Variants in VWA2 observed in about 807,000 individuals in gnomAD.
VWA2 encodes the protein von Willebrand factor A domain-containing protein 2.
VWA2 carries 73 observed loss-of-function variants against 70.4 expected under a neutral mutation model. That is an observed-to-expected ratio of 1.04 (90% CI 0.86 to 1.26). VWA2 has a LOEUF of 1.26. Ranked by LOEUF, VWA2 falls within the 50% of genes most tolerant of loss-of-function variation. The pLI, the probability that VWA2 is intolerant of heterozygous loss-of-function variation, is 0.00. For missense variants in VWA2, 1,011 were observed against 998.5 expected, an observed-to-expected ratio of 1.01 and a Z score of -0.17; for synonymous variants, 407 against 423.3, an observed-to-expected ratio of 0.96 and a Z score of 0.47.
Position 114,293,800 on chromosome 10 carries a change from T to C in VWA2, c.*2563T>C, listed in dbSNP as rs1367514500. ...CTAGAGAAATATTTCCAAATGATGC[T>C]AGTTTTGTCTCTTCCTTTCAAAGTT... On this transcript the variant is annotated 3_prime_UTR_variant, in exon 14 of 14. Coordinates refer to ENST00000392982, the MANE Select transcript of VWA2 (RefSeq NM_001272046.2). Among the ~76,000 whole-genome samples, 2 of 152,212 alleles carry C rather than the reference T, an allele frequency of 1.3e-5. No homozygotes were observed. Among genetic ancestry groups the C allele is most frequent in the African/African-American group, 2.4e-5 (1 of 41,470 alleles).
intron 5 of VWA2, among the ~76,000 whole-genome samples, chr10:114,270,318 T>A (rs2037680122): frequency 6.6e-6 from 1 of 152,222 alleles, no homozygotes; most frequent in Non-Finnish European, 1.5e-5. Flanking sequence ...ATAACCTTAG[T>A]TTGGCCCCTT....
chr10:114,248,880 C>T, intron 2 of VWA2, 115 bp downstream of exon 2: 2 of 960,700 alleles, frequency 2.1e-6, no homozygotes, highest in South Asian at 2.6e-5. Flanking sequence ...CCTGCATCTC[C>T]CCTCCATGGC....
At chr10:114,290,938 C>T (rs947235305) in intron 13 of VWA2, among the ~76,000 whole-genome samples, 2 of 152,164 alleles carry the variant, frequency 1.3e-5, no homozygotes, top group African/African-American at 4.8e-5. Flanking sequence ...AGAGGTCCAA[C>T]TATGGCTCCT....
At chr10:114,267,598 ATTT>A (rs1227410084) in intron 5 of VWA2, among the ~76,000 whole-genome samples, 1 of 136,720 alleles carries the variant, frequency 7.3e-6, no homozygotes, top group South Asian at 2.4e-4. Flanking sequence ...CACCTGGCTA[ATTT>A]TTTTTTTTTT....
At chr10:114,277,717 G>A (rs952480529) in intron 6 of VWA2, among the ~76,000 whole-genome samples, 197 bp from the exon 7 acceptor site, 1 of 152,154 alleles carries the variant, frequency 6.6e-6, no homozygotes, top group Non-Finnish European at 1.5e-5. Context: ...ATGCTTGCTT[G>A]TTCTTTGCTT....
chr10:114,260,067 C>G (rs1306130791), intron 4 of VWA2, among the ~76,000 whole-genome samples: 1 of 152,224 alleles, frequency 6.6e-6, no homozygotes, highest in African/African-American at 2.4e-5. Context: ...TTAAATATGA[C>G]TCACTTGGCC....
In VWA2 at chr10:114,292,699, C is replaced by T. The variant is rs1589864605; in HGVS notation, c.*1462C>T. Among the ~76,000 whole-genome samples the T allele has an allele frequency of 6.6e-6, 1 of 151,452 alleles. No homozygotes were observed. Among genetic ancestry groups the T allele is most frequent in the African/African-American group, 2.4e-5 (1 of 41,212 alleles). ...TCTAGAGCTCTGATGTGACTCCAGACACTTTATCGTTTTTCTTTTTTTTGA... is the reference window on the plus strand; with the variant it reads ...TCTAGAGCTCTGATGTGACTCCAGATACTTTATCGTTTTTCTTTTTTTTGA... On this transcript the variant is annotated 3_prime_UTR_variant, in exon 14 of 14. Coordinates refer to ENST00000392982, the MANE Select transcript of VWA2 (RefSeq NM_001272046.2).
In VWA2 at chr10:114,292,038, A is replaced by G. The variant is rs2039650586; in HGVS notation, c.*801A>G. Among the ~76,000 whole-genome samples, 1 of 152,138 alleles carries G rather than the reference A, an allele frequency of 6.6e-6. No homozygotes were observed. Among genetic ancestry groups the G allele is most frequent in the South Asian group, 2.1e-4 (1 of 4,820 alleles). On this transcript the variant is annotated 3_prime_UTR_variant, in exon 14 of 14. Transcript: ENST00000392982. ...CATGCCTGTAATCCCAGCACTTTGG[A>G]GGCTGAGGCAGGTGGATCACCCGAG...
At chr10:114,260,057 T>A (rs1273474970) in intron 4 of VWA2, among the ~76,000 whole-genome samples, 1 of 152,212 alleles carries the variant, frequency 6.6e-6, no homozygotes, top group Non-Finnish European at 1.5e-5. Context: ...GCATCATTGC[T>A]TAAATATGAC....
intron 5 of VWA2, among the ~76,000 whole-genome samples, chr10:114,263,545 G>A (rs1312316084): frequency 6.6e-6 from 1 of 151,066 alleles, no homozygotes; most frequent in African/African-American, 2.4e-5. Flanking sequence ...CACTGTGTTA[G>A]CCAGGATGGT....
chr10:114,262,379 C>T (rs2037463327), intron 5 of VWA2, among the ~76,000 whole-genome samples: 1 of 151,478 alleles, frequency 6.6e-6, no homozygotes, highest in Admixed American at 6.6e-5. Context: ...CACATATTGA[C>T]ACATACATGT....
intron 4 of VWA2, among the ~76,000 whole-genome samples, chr10:114,260,758 G>T (rs1054908151): frequency 9.9e-5 from 15 of 152,166 alleles, no homozygotes; most frequent in African/African-American, 3.6e-4. Flanking sequence ...CCATATTGGG[G>T]TTTCTCCAAC....
intron 5 of VWA2, among the ~76,000 whole-genome samples, chr10:114,270,701 C>T (rs2037688219): frequency 6.6e-6 from 1 of 152,192 alleles, no homozygotes; most frequent in African/African-American, 2.4e-5. Flanking sequence ...TAGTAGAGAT[C>T]AGAATCGGGT....
intron 1 of VWA2, chr10:114,246,133 T>C: frequency 5.4e-6 from 5 of 932,742 alleles, no homozygotes; most frequent in Non-Finnish European, 1.6e-6. Context: ...GGAGCCTTGG[T>C]GTTCTTTGCT....
At position 114,289,040 on chromosome 10, in the gene VWA2, C is replaced by G; in HGVS notation, c.1673C>G (p.Ala558Gly). The change falls in exon 12 of 14, where the codon GCC (alanine) becomes GGC (glycine). Residue 558 changes from alanine to glycine, a missense_variant. Coordinates refer to ENST00000392982, the MANE Select transcript of VWA2 (RefSeq NM_001272046.2). ...ATGCAGAGCTTTGTGAGAAGCTGTGCCCTCCAGTTTGAGGTGAACCCTGAC... is the reference window on the plus strand; with the variant it reads ...ATGCAGAGCTTTGTGAGAAGCTGTGGCCTCCAGTTTGAGGTGAACCCTGAC... ...AQMQSFVRSC[A>G]LQFEVNPDVT... is the part of the protein sequence containing the mutation. 6.2e-7 allele frequency: 1 copy of G among 1,614,174 alleles called. No homozygotes were observed. The highest frequency in any genetic ancestry group is 1.1e-5 in the South Asian group (1 of 91,078).
intron 6 of VWA2, among the ~76,000 whole-genome samples, chr10:114,275,242 A>G (rs2037808280): frequency 6.6e-6 from 1 of 152,196 alleles, no homozygotes; most frequent in Admixed American, 6.5e-5. Context: ...GGATTGTGCC[A>G]TGTCCTGGAA....
intron 1 of VWA2, among the ~76,000 whole-genome samples, chr10:114,247,363 A>C (rs995193741): frequency 6.6e-6 from 1 of 152,034 alleles, no homozygotes; most frequent in African/African-American, 2.4e-5. Flanking sequence ...CTCTACCTCC[A>C]TTTAGGGACT....
chr10:114,288,693 T>TA (rs1216661341), intron 11 of VWA2, among the ~76,000 whole-genome samples: 1 of 152,196 alleles, frequency 6.6e-6, no homozygotes, highest in Non-Finnish European at 1.5e-5. Flanking sequence ...AGATAGAACT[T>TA]AGACACGTGG....
intron 1 of VWA2, chr10:114,246,684 C>T (rs1418139906): frequency 6.4e-7 from 1 of 1,560,606 alleles, no homozygotes; most frequent in Non-Finnish European, 8.8e-7. Context: ...CATTAAATTC[C>T]CAAAACAAAG....
Sources: gnomAD v4.1 joint callset for allele counts (sites outside exome capture counted in the v4.1 genomes callset) on GRCh38, gnomAD v4.1.1 for gene constraint, MANE v1.5 for transcripts, NCBI Gene and HGNC (gene_info 2026-07-23, HGNC 2026-07-21) for gene names.